ANXA11: variants seen among roughly 807,000 people sequenced by gnomAD.
ANXA11 encodes 56 kDa autoantigen.
ANXA11 carries 57 observed loss-of-function variants against 64.7 expected under a neutral mutation model. That is an observed-to-expected ratio of 0.88 (90% CI 0.71 to 1.10). The LOEUF is 1.10. ANXA11 is among the 50% of genes least tolerant of loss of function. ANXA11 has a pLI of 0.00. For synonymous variants in ANXA11, 260 were observed against 265.2 expected, an observed-to-expected ratio of 0.98 and a Z score of 0.19; for missense variants, 675 against 670.7, an observed-to-expected ratio of 1.01 and a Z score of -0.07.
chr10:80,156,972 T>C (rs577800637), intron 15 of ANXA11: 81 of 985,380 alleles, frequency 8.2e-5, no homozygotes, highest in Non-Finnish European at 9.4e-5. Context: ...ATTTGAGCGT[T>C]AGACCACACA....
In ANXA11 at chr10:80,167,219, C is replaced by G. The variant is rs1845781639; in HGVS notation, c.649+7G>C. 6.2e-7 allele frequency: 1 copy of G among 1,613,638 alleles called. No homozygotes were observed. Among genetic ancestry groups the G allele is most frequent in the African/African-American group, 1.3e-5 (1 of 74,932 alleles). On this transcript the variant is annotated splice_region_variant and intron_variant, in intron 6 of 15. Coordinates refer to ENST00000422982, the MANE Select transcript of ANXA11 (RefSeq NM_145868.2). ...GAGTAGGATTTGAGCCACCCAGGGT[C>G]TCTTACCGAAGCCTTTCATGGCCTT...
Position 80,155,689 on chromosome 10 carries a change from CT to C in ANXA11, c.*163del. 1 of 709,312 alleles carries C rather than the reference CT, an allele frequency of 1.4e-6. No individual in the cohort carries two copies. The highest frequency in any genetic ancestry group is 2.5e-5 in the East Asian group (1 of 40,018). 43.9% of individuals were successfully genotyped at this position (709,312 alleles called of 1,614,324 possible). A position where few individuals can be genotyped will look rare whatever the true frequency, so the allele number is the denominator to read the frequency against. ...AGAGAGTTCTAGACCGACCCAGGTC[CT>C]GTGGCACACTATACGGGTCAGGAGG... On this transcript the variant is annotated 3_prime_UTR_variant, in exon 16 of 16. Coordinates refer to ENST00000422982, the MANE Select transcript of ANXA11 (RefSeq NM_145868.2).
rs1845210651 is a variant in ANXA11 at position 80,154,267 on chromosome 10, A to G, written c.*1586T>C. The G allele has an allele frequency of 6.6e-6, 1 of 151,884 alleles. No homozygotes were observed. Among genetic ancestry groups the G allele is most frequent in the Admixed American group, 6.6e-5 (1 of 15,242 alleles). The allele number at this position is 151,884 out of a possible 1,614,324, so 9.4% of individuals were successfully genotyped here. On this transcript the variant is annotated 3_prime_UTR_variant, in exon 16 of 16. Transcript: ENST00000422982. ...CAGGAATGTGCCACCATGCCTGGCT[A>G]ATTTTTGTATTTTTAGTAGAGATGG...
At chr10:80,159,049 C>A in intron 13 of ANXA11, 51 bp downstream of exon 13, 1 of 1,404,360 alleles carries the variant, frequency 7.1e-7, no homozygotes, top group South Asian at 1.2e-5. Context: ...CCTGAACACT[C>A]ACGATACACG....
chr10:80,167,356 C>T, intron 5 of ANXA11, 43 bp from the exon 6 acceptor site: 3 of 1,573,942 alleles, frequency 1.9e-6, no homozygotes, highest in Non-Finnish European at 2.6e-6. Context: ...GTGCATGCCG[C>T]CTTCCCCACA....
At chr10:80,173,327 G>T (rs1846050733) in intron 2 of ANXA11, among the ~76,000 whole-genome samples, 1 of 152,208 alleles carries the variant, frequency 6.6e-6, no homozygotes, top group East Asian at 1.9e-4. Context: ...GAAGTCAGAG[G>T]CCCCTGTCTC....
chr10:80,174,914 G>C (rs1846114982), intron 2 of ANXA11, among the ~76,000 whole-genome samples: 1 of 152,230 alleles, frequency 6.6e-6, no homozygotes, highest in Admixed American at 6.5e-5. Context: ...GGTCCCCATA[G>C]GGTGGGCCTG....
chr10:80,190,484 A>ATTTTTTTTTT (rs34704342), intron 1 of ANXA11, among the ~76,000 whole-genome samples: 1 of 127,500 alleles, frequency 7.8e-6, no homozygotes, highest in Admixed American at 8.1e-5. Context: ...TTTACAATAA[A>ATTTTTTTTTT]TTTTTTTTTT....
At chr10:80,162,636 C>T (rs556857689) in intron 11 of ANXA11, among the ~76,000 whole-genome samples, 4 of 152,366 alleles carry the variant, frequency 2.6e-5, no homozygotes, top group African/African-American at 7.2e-5. Flanking sequence ...AGCTCTCCTC[C>T]AGCCCTAACA....
chr10:80,158,742 A>G (rs371455561), intron 13 of ANXA11, among the ~76,000 whole-genome samples: 7 of 152,366 alleles, frequency 4.6e-5, no homozygotes, highest in African/African-American at 1.4e-4. Context: ...TTTCCATCAC[A>G]AACATCTGAC....
intron 1 of ANXA11, among the ~76,000 whole-genome samples, chr10:80,180,644 GTT>G (rs5786436): frequency 2.8e-4 from 41 of 147,796 alleles, no homozygotes; most frequent in East Asian, 6.0e-4. Context: ...TTGTATATTA[GTT>G]TTTTTTTTTT....
chr10:80,158,961 G>A (rs1469215686), intron 13 of ANXA11, 139 bp downstream of exon 13: 7 of 659,020 alleles, frequency 1.1e-5, no homozygotes, highest in South Asian at 1.8e-5. Context: ...CCCAGCATCT[G>A]GACACTCTGG....
At chr10:80,171,707 G>A (rs895074393) in intron 3 of ANXA11, 7 of 985,440 alleles carry the variant, frequency 7.1e-6, no homozygotes, top group Non-Finnish European at 7.2e-6. Flanking sequence ...GCTTCGGATC[G>A]GCTCTTCATC....
chr10:80,169,466 T>C, intron 4 of ANXA11, 108 bp from the exon 5 acceptor site: 2 of 1,320,242 alleles, frequency 1.5e-6, no homozygotes, highest in East Asian at 2.4e-5. Flanking sequence ...TCTCCGCTTG[T>C]GGAATATGAA....
At position 80,179,986 on chromosome 10, in the gene ANXA11, G is replaced by A. The variant is rs147603304; in HGVS notation, c.-57-3831C>T. 3.7e-4 allele frequency among the ~76,000 whole-genome samples: 56 copies of A among 152,302 alleles called. 1 individual carries two copies. The East Asian group carries it at 0.01, about 27-fold the overall frequency. On this transcript the variant is annotated intron_variant, in intron 1 of 15. Coordinates refer to ENST00000422982, the MANE Select transcript of ANXA11 (RefSeq NM_145868.2). The stretch of plus-strand genomic sequence containing the variant: ...CATGACAGCACTGCATCAGAAGCCA[G>A]CCTCAAAGCGTCTGGTGAATGCCAA...
At chr10:80,183,805 G>A (rs1727250821) in intron 1 of ANXA11, among the ~76,000 whole-genome samples, 1 of 152,188 alleles carries the variant, frequency 6.6e-6, no homozygotes. Flanking sequence ...CAGCCAGAAG[G>A]TTCCAGAAAC....
At chr10:80,192,176 A>C (rs1353276163) in intron 1 of ANXA11, among the ~76,000 whole-genome samples, 2 of 152,244 alleles carry the variant, frequency 1.3e-5, no homozygotes, top group Non-Finnish European at 2.9e-5. Flanking sequence ...TACAGTGGGA[A>C]GACCAGCGCT....
rs1487922650 is a variant in ANXA11 at position 80,169,238 on chromosome 10, G to A, written c.292C>T (p.Gln98Ter). 1.2e-6 allele frequency: 2 copies of A among 1,611,960 alleles called. No individual in the cohort carries two copies. The highest frequency in any genetic ancestry group is 8.5e-7 in the Non-Finnish European group (1 of 1,179,582). Residue 98 changes from glutamine to a stop codon, truncating the protein, a stop_gained, in exon 5 of 16, where the codon CAG becomes TAG. Transcript: ENST00000422982. LOFTEE classifies it high-confidence loss of function. Reference protein sequence around the residue: ...GGFGQPPSAQQPVPPYGMYPP... With the variant: ...GGFGQPPSAQ Reference sequence around the variant, plus strand: ...TACATCCCATAGGGAGGAACAGGCTGCTGGGCAGAGGGGGGCTGCCCAAAG... The same window carrying A: ...TACATCCCATAGGGAGGAACAGGCTACTGGGCAGAGGGGGGCTGCCCAAAG...
chr10:80,191,625 C>G (rs1488889152), intron 1 of ANXA11, among the ~76,000 whole-genome samples: 2 of 152,126 alleles, frequency 1.3e-5, no homozygotes, highest in African/African-American at 2.4e-5. Context: ...CAAGGAGGAA[C>G]CAGGTGCTCG....
Sources: allele counts gnomAD v4.1 joint callset (sites outside exome capture counted in the v4.1 genomes callset), GRCh38; gene constraint gnomAD v4.1.1; transcripts MANE v1.5; gene names NCBI Gene and HGNC (gene_info 2026-07-23, HGNC 2026-07-21).